TTI1: variants seen among roughly 807,000 people sequenced by gnomAD.
The protein encoded by TTI1 is TELO2 interacting protein 1.
A neutral mutation model predicts 85.4 loss-of-function variants in TTI1; 52 were observed. The observed-to-expected ratio is 0.61, with a 90% CI of 0.49 to 0.77. The LOEUF is 0.77. TTI1 is among the 30% of genes least tolerant of loss of function. The pLI is 0.00. For missense variants in TTI1, 1,173 were observed against 1,296.0 expected (o/e 0.91, Z 1.46); for synonymous variants, 512 against 503.9 (o/e 1.02, Z -0.22).
chr20:37,998,711 G>A (rs1600617179), intron 5 of TTI1, among the ~76,000 whole-genome samples: 1 of 152,308 alleles, frequency 6.6e-6, no homozygotes, highest in Middle Eastern at 3.4e-3. Context: ...GAAAATGGGT[G>A]GTCCTGGGTT....
chr20:37,983,266 A>C lies in TTI1; in HGVS notation c.*190T>G. 2 of 598,062 alleles carry C rather than the reference A, an allele frequency of 3.3e-6. No homozygotes were observed. Among genetic ancestry groups the C allele is most frequent in the Non-Finnish European group, 5.7e-6 (2 of 350,118 alleles). The allele number at this position is 598,062 out of a possible 1,614,324, so 37.0% of individuals were successfully genotyped here. ...TTGACAACACAAGGTATGAAACATA[A>C]ATAATAGTCAGCTACTTTCCTTCAA... On this transcript the variant is annotated 3_prime_UTR_variant, in exon 8 of 8. Coordinates refer to ENST00000373447, the MANE Select transcript of TTI1 (RefSeq NM_001303457.2).
chr20:37,999,734 A>G (rs1468945966), intron 4 of TTI1, among the ~76,000 whole-genome samples: 1 of 152,248 alleles, frequency 6.6e-6, no homozygotes, highest in African/African-American at 2.4e-5. Context: ...GTGAAGATTC[A>G]TGCAACTGGA....
chr20:38,009,769 T>C (rs1195805056), intron 2 of TTI1, among the ~76,000 whole-genome samples: 5 of 152,092 alleles, frequency 3.3e-5, no homozygotes, highest in Non-Finnish European at 1.5e-5. Flanking sequence ...TCCCAAAGTG[T>C]TGAGATTACA....
At chr20:38,006,738 C>T (rs1055786351) in intron 2 of TTI1, among the ~76,000 whole-genome samples, 5 of 152,240 alleles carry the variant, frequency 3.3e-5, no homozygotes, top group African/African-American at 1.2e-4. Context: ...TAACTTAGGT[C>T]ACTTACATGA....
intron 7 of TTI1, among the ~76,000 whole-genome samples, chr20:37,995,903 T>C (rs2073330725): frequency 6.6e-6 from 1 of 152,204 alleles, no homozygotes; most frequent in Admixed American, 6.5e-5. Flanking sequence ...AAAAGGCACA[T>C]GTGCACCTGC....
Position 38,012,854 on chromosome 20 carries a change from G to A in TTI1, c.963C>T (p.Cys321=), listed in dbSNP as rs371827875. 1.9e-6 allele frequency: 3 copies of A among 1,614,026 alleles called. No individual in the cohort carries two copies. The African/African-American group carries it at 4.0e-5, about 22-fold the overall frequency. ...CAGCACATTCGACCAATGATTGACT[G>A]CACTTCAAAAGAAGGTCCTCCACAA... The part of the protein sequence containing the change: ...VELVEDLLLK[C]SQSLVECAGP... Residue 321 remains cysteine (C), a synonymous_variant, in exon 2 of 8, where the codon TGC becomes TGT. Coordinates refer to ENST00000373447, the MANE Select transcript of TTI1 (RefSeq NM_001303457.2).
chr20:37,995,151 C>A (rs962766037), intron 7 of TTI1, among the ~76,000 whole-genome samples: 10 of 152,150 alleles, frequency 6.6e-5, no homozygotes, highest in African/African-American at 1.4e-4. Flanking sequence ...AATAAAAATG[C>A]CTGGGGACAG....
intron 2 of TTI1, among the ~76,000 whole-genome samples, chr20:38,006,762 ACT>A (rs999114081): frequency 3.9e-5 from 6 of 152,170 alleles, no homozygotes; most frequent in Admixed American, 6.5e-5. Context: ...CTTATATAGC[ACT>A]CTGCTCTTTC....
At chr20:38,023,376 A>G (rs2122639311) in intron 1 of TTI1, among the ~76,000 whole-genome samples, 1 of 152,328 alleles carries the variant, frequency 6.6e-6, no homozygotes, top group African/African-American at 2.4e-5. Context: ...AATCAGAATC[A>G]ATGTGGTGGG....
rs1475591850 is a variant in TTI1 at position 37,999,388 on chromosome 20, G to A, written c.2653-60C>T. ...CTTGAAAACAGATACCTGGGATCAA[G>A]TCACCATTTTCAAAGAATAACATTT... On this transcript the variant is annotated intron_variant, in intron 4 of 7. Coordinates refer to ENST00000373447, the MANE Select transcript of TTI1 (RefSeq NM_001303457.2). The A allele has an allele frequency of 5.2e-6, 7 of 1,333,532 alleles. No homozygotes were observed. The African/African-American group carries it at 1.1e-4, about 20-fold the overall frequency. 82.6% of individuals were successfully genotyped at this position (1,333,532 alleles called of 1,614,324 possible). A position where few individuals can be genotyped will look rare whatever the true frequency, so the allele number is the denominator to read the frequency against.
intron 5 of TTI1, among the ~76,000 whole-genome samples, chr20:37,998,552 G>C (rs375026240): frequency 6.6e-6 from 1 of 152,140 alleles, no homozygotes; most frequent in Non-Finnish European, 1.5e-5. Flanking sequence ...TAAAATATCC[G>C]TGCTAATGTA....
intron 1 of TTI1, among the ~76,000 whole-genome samples, chr20:38,025,707 T>C (rs1366418565): frequency 1.3e-5 from 2 of 152,172 alleles, no homozygotes; most frequent in Non-Finnish European, 2.9e-5. Context: ...ATTATGAATA[T>C]ACTTCAAACA....
Position 38,013,023 on chromosome 20 carries a change from T to A in TTI1, c.794A>T (p.Glu265Val). The A allele has an allele frequency of 6.2e-7, 1 of 1,614,110 alleles. No individual in the cohort carries two copies. The highest frequency in any genetic ancestry group is 8.5e-7 in the Non-Finnish European group (1 of 1,180,034). ...ISKVQAKPAV[E>V]HRVAELMVYR... Reference sequence around the variant, plus strand: ...AACCATCAGCTCTGCTACTCTGTGCTCAACTGCAGGTTTTGCTTGGACCTT... The same window carrying A: ...AACCATCAGCTCTGCTACTCTGTGCACAACTGCAGGTTTTGCTTGGACCTT... The change falls in exon 2 of 8, where the codon GAG becomes GTG. Residue 265 changes from glutamate (E) to valine (V), a missense_variant. Transcript: ENST00000373447.
rs964343920 is a variant in TTI1, at chr20:38,006,310, G to T, written c.2390C>A (p.Ala797Glu). 2 of 1,614,208 alleles carry T rather than the reference G, an allele frequency of 1.2e-6. No individual in the cohort carries two copies. Among genetic ancestry groups the T allele is most frequent in the Admixed American group, 3.3e-5 (2 of 60,018 alleles). The stretch of plus-strand genomic sequence containing the variant: ...TGTGGTGGTGCTCTTCTCAAGAGCT[G>T]CTGGTCTTTGGTTCAAATGACTTCC... ...EEGSHLNQRP[A>E]ALEKSTTTAE... The change falls in exon 3 of 8, where the codon GCA (alanine) becomes GAA (glutamate). Residue 797 changes from alanine to glutamate, a missense_variant. Transcript: ENST00000373447.
intron 3 of TTI1, 200 bp downstream of exon 3, chr20:38,005,997 C>CA (rs2073492186): frequency 1.7e-6 from 1 of 600,606 alleles, no homozygotes; most frequent in Non-Finnish European, 2.8e-6. Flanking sequence ...AAAGGGTACA[C>CA]AGCTGCAACC....
intron 7 of TTI1, among the ~76,000 whole-genome samples, chr20:37,985,980 C>T (rs184068850): frequency 1.3e-5 from 2 of 152,166 alleles, no homozygotes; most frequent in African/African-American, 4.8e-5. Context: ...ATGAGGCCTG[C>T]GTGGGAGACA....
intron 7 of TTI1, among the ~76,000 whole-genome samples, chr20:37,994,483 C>T (rs989684298): frequency 6.0e-5 from 9 of 149,474 alleles, no homozygotes; most frequent in African/African-American, 2.0e-4. Context: ...ACCCACCCCT[C>T]TCTCCATGCG....
At chr20:37,984,911 T>C (rs954023122) in intron 7 of TTI1, among the ~76,000 whole-genome samples, 2 of 152,120 alleles carry the variant, frequency 1.3e-5, no homozygotes, top group African/African-American at 2.4e-5. Flanking sequence ...AATGTGTCCA[T>C]GTAACAATGA....
chr20:38,018,315 A>G (rs1366417900), intron 1 of TTI1, among the ~76,000 whole-genome samples: 1 of 152,220 alleles, frequency 6.6e-6, no homozygotes, highest in Non-Finnish European at 1.5e-5. Flanking sequence ...ATACTTTAGA[A>G]CTGAGAACTA....
Sources: gnomAD v4.1 joint callset for allele counts (sites outside exome capture counted in the v4.1 genomes callset) on GRCh38, gnomAD v4.1.1 for gene constraint, MANE v1.5 for transcripts, NCBI Gene and HGNC (gene_info 2026-07-23, HGNC 2026-07-21) for gene names.